CEP63: variants seen among roughly 807,000 people sequenced by gnomAD.
The protein encoded by CEP63 is centrosomal protein 63, also known as centrosomal protein of 63 kDa.
A neutral mutation model predicts 89.1 loss-of-function variants in CEP63; 84 were observed. That is an observed-to-expected ratio of 0.94 (90% CI 0.79 to 1.13). CEP63 has a LOEUF of 1.13. Among genes scored for constraint, CEP63 ranks in the 50% most tolerant of loss-of-function variants. CEP63 has a pLI of 0.00. For synonymous variants in CEP63, 267 were observed against 272.5 expected, an observed-to-expected ratio of 0.98 and a Z score of 0.20; for missense variants, 838 against 813.3, an observed-to-expected ratio of 1.03 and a Z score of -0.37.
At chr3:134,646,280 G>A in the CEP63 span, among the ~76,000 whole-genome samples, 13 of 152,306 alleles carry the variant, frequency 8.5e-5, no homozygotes, top group Middle Eastern at 3.4e-3. Context: ...TTACAGGGAA[G>A]CCATTGCACC....
At chr3:134,757,536 G>T in the CEP63 span, among the ~76,000 whole-genome samples, 1 of 152,116 alleles carries the variant, frequency 6.6e-6, no homozygotes. Context: ...GAATATTGGA[G>T]GTAGGAGTAG....
chr3:134,613,828 G>A, the CEP63 span, among the ~76,000 whole-genome samples: 2 of 152,100 alleles, frequency 1.3e-5, no homozygotes, highest in South Asian at 2.1e-4. Context: ...TGTATAAGAC[G>A]ATGATTGTGG....
chr3:134,741,777 T>C, the CEP63 span, among the ~76,000 whole-genome samples: 1 of 152,362 alleles, frequency 6.6e-6, no homozygotes, highest in South Asian at 2.1e-4. Context: ...TAAATCCTTA[T>C]GGATGTTTGT....
chr3:134,576,427 A>G (rs1560076895), downstream of CEP63, among the ~76,000 whole-genome samples: 2 of 152,092 alleles, frequency 1.3e-5, no homozygotes, highest in South Asian at 4.1e-4. Flanking sequence ...TGCTCCAAGA[A>G]CCTCTGACAA....
the CEP63 span, among the ~76,000 whole-genome samples, chr3:134,737,611 T>C: frequency 6.6e-6 from 1 of 152,212 alleles, no homozygotes; most frequent in Non-Finnish European, 1.5e-5. Context: ...TATTTTACTC[T>C]TTTTCACTAT....
the CEP63 span, among the ~76,000 whole-genome samples, chr3:134,631,307 A>T: frequency 1.3e-5 from 2 of 152,240 alleles, no homozygotes; most frequent in Non-Finnish European, 2.9e-5. Flanking sequence ...AAAGAAAAAA[A>T]TATGGAAAGT....
At chr3:134,705,971 T>C in the CEP63 span, among the ~76,000 whole-genome samples, 1 of 152,176 alleles carries the variant, frequency 6.6e-6, no homozygotes, top group African/African-American at 2.4e-5. Context: ...ATATTTGAAC[T>C]GGAAAAACCA....
chr3:134,530,914 C>G (rs1322329991), intron 3 of CEP63, among the ~76,000 whole-genome samples: 6 of 152,208 alleles, frequency 3.9e-5, no homozygotes, highest in African/African-American at 1.4e-4. Flanking sequence ...TTTTCCCTCT[C>G]CCTCCCTACT....
chr3:134,581,235 C>G (rs4368545), intron 10 of CEP63, among the ~76,000 whole-genome samples: 151,835 of 152,352 alleles, frequency 1, 75,664 homozygotes, highest in Middle Eastern at 1. Context: ...CTAGCTCTGT[C>G]GTAGTTTGTT....
At chr3:134,699,990 T>C in the CEP63 span, among the ~76,000 whole-genome samples, 1 of 152,232 alleles carries the variant, frequency 6.6e-6, no homozygotes, top group African/African-American at 2.4e-5. Flanking sequence ...CAAGGGCACA[T>C]GTCAAGAGGC....
At chr3:134,547,696 C>T (rs964166080) in intron 9 of CEP63, among the ~76,000 whole-genome samples, 5 of 141,644 alleles carry the variant, frequency 3.5e-5, no homozygotes, top group Non-Finnish European at 6.0e-5. Flanking sequence ...CTGCAACCTC[C>T]GCCTCCCGGT....
chr3:134,548,743 C>T (rs535125488), intron 9 of CEP63, among the ~76,000 whole-genome samples: 4 of 152,294 alleles, frequency 2.6e-5, no homozygotes, highest in Non-Finnish European at 5.9e-5. Flanking sequence ...CACAAACATG[C>T]ATACACACAC....
chr3:134,772,418 C>T, the CEP63 span, among the ~76,000 whole-genome samples: 1 of 152,116 alleles, frequency 6.6e-6, no homozygotes, highest in East Asian at 1.9e-4. Context: ...CTTGTGGACA[C>T]CTTGTACAGG....
At chr3:134,708,848 G>T in the CEP63 span, among the ~76,000 whole-genome samples, 2 of 152,138 alleles carry the variant, frequency 1.3e-5, no homozygotes, top group African/African-American at 4.8e-5. Flanking sequence ...GTGTTGTGGG[G>T]GCAGCCAATC....
At position 134,580,247 on chromosome 3, in the gene CEP63, T is replaced by C. The variant is rs1577513873; in HGVS notation, c.1207-7211T>C. Among the ~76,000 whole-genome samples, 8 of 151,682 alleles carry C rather than the reference T, an allele frequency of 5.3e-5. 2 individuals carry two copies. Among genetic ancestry groups the C allele is most frequent in the Admixed American group, 5.3e-4 (8 of 15,220 alleles). On this transcript the variant is annotated intron_variant, in intron 10 of 10. Transcript: ENST00000683931. ...AGAAGCCAAAAGATTATATATTGTA[T>C]GAATCCATTTATATAAAGTCAGGAA... is the stretch of plus-strand genomic sequence containing the variant.
chr3:134,696,357 G>A, the CEP63 span, among the ~76,000 whole-genome samples: 1 of 152,176 alleles, frequency 6.6e-6, no homozygotes, highest in Non-Finnish European at 1.5e-5. Context: ...AGGGAGTGCT[G>A]GGTTAAGGGC....
At chr3:134,551,162 G>C (rs1381080361) in intron 11 of CEP63, among the ~76,000 whole-genome samples, 2 of 152,084 alleles carry the variant, frequency 1.3e-5, no homozygotes, top group East Asian at 1.9e-4. Context: ...TGGAATAAAG[G>C]CTGGAATTTT....
At chr3:134,704,343 T>C in the CEP63 span, among the ~76,000 whole-genome samples, 1 of 152,178 alleles carries the variant, frequency 6.6e-6, no homozygotes, top group South Asian at 2.1e-4. Context: ...TTGGGCCTCA[T>C]TCATGTCTGC....
the CEP63 span, among the ~76,000 whole-genome samples, chr3:134,721,926 G>A: frequency 1.3e-5 from 2 of 152,030 alleles, no homozygotes; most frequent in Non-Finnish European, 2.9e-5. Context: ...TGTTCTACAA[G>A]TTTCTCTTTT....
Sources: gnomAD v4.1 joint callset for allele counts (sites outside exome capture counted in the v4.1 genomes callset) on GRCh38, gnomAD v4.1.1 for gene constraint, MANE v1.5 for transcripts, NCBI Gene and HGNC (gene_info 2026-07-23, HGNC 2026-07-21) for gene names.